The following AATF variants were observed in gnomAD, a reference collection of about 807,000 sequenced individuals.
The protein encoded by AATF is protein AATF.
In AATF, 48 loss-of-function variants were observed where a neutral mutation model predicts 63.7. That is an observed-to-expected ratio of 0.75 (90% CI 0.60 to 0.96). The LOEUF (loss-of-function observed/expected upper bound fraction) is 0.96. Among genes scored for constraint, AATF ranks in the 40% least tolerant of loss-of-function variants. The pLI, the probability that AATF is intolerant of heterozygous loss-of-function variation, is 0.00. For missense variants in AATF, 639 were observed against 685.7 expected (o/e 0.93, Z 0.76); for synonymous variants, 258 against 247.7 (o/e 1.04, Z -0.39).
intron 4 of AATF, among the ~76,000 whole-genome samples, chr17:36,958,698 A>G (rs58463520): frequency 0.016 from 2,439 of 152,338 alleles, 65 homozygotes; most frequent in African/African-American, 0.055. Flanking sequence ...TTTCATCTGT[A>G]GTTGTACCAA....
At chr17:37,037,039 C>G (rs182117063) in intron 11 of AATF, among the ~76,000 whole-genome samples, 1 of 146,262 alleles carries the variant, frequency 6.8e-6, no homozygotes, top group African/African-American at 2.5e-5. Context: ...GACAGAGTCT[C>G]GTTCTCTCAC....
chr17:37,056,309 T>C (rs929275190), intron 11 of AATF: 1 of 386,048 alleles, frequency 2.6e-6, no homozygotes, highest in African/African-American at 2.0e-5. Flanking sequence ...TATTAAAATA[T>C]TCAATCTTGT....
intron 8 of AATF, among the ~76,000 whole-genome samples, chr17:37,003,514 C>T (rs1227499548): frequency 8.0e-6 from 1 of 124,416 alleles, no homozygotes; most frequent in Non-Finnish European, 1.6e-5. Context: ...GGTCTCATGT[C>T]ACCAGGGCTG....
At chr17:37,014,716 A>G (rs2071416342) in intron 8 of AATF, among the ~76,000 whole-genome samples, 1 of 152,082 alleles carries the variant, frequency 6.6e-6, no homozygotes, top group African/African-American at 2.4e-5. Flanking sequence ...AATTTTCAGT[A>G]TTCCTTCAAA....
chr17:36,955,347 C>T (rs370881720), intron 4 of AATF, among the ~76,000 whole-genome samples: 28 of 152,232 alleles, frequency 1.8e-4, no homozygotes, highest in African/African-American at 5.8e-4. Context: ...TTTTGTGTCC[C>T]GCCACACTTA....
At chr17:37,043,710 C>T (rs1042443066) in intron 11 of AATF, among the ~76,000 whole-genome samples, 9 of 152,216 alleles carry the variant, frequency 5.9e-5, no homozygotes, top group South Asian at 2.1e-4. Context: ...CAGTTATTGT[C>T]GGCCTCCTCT....
At chr17:37,008,575 G>A (rs1435724672) in intron 8 of AATF, among the ~76,000 whole-genome samples, 1 of 152,162 alleles carries the variant, frequency 6.6e-6, no homozygotes, top group African/African-American at 2.4e-5. Flanking sequence ...AGAAAATCCT[G>A]TAACTAGGCT....
At chr17:37,052,036 C>T (rs1181776350) in intron 11 of AATF, among the ~76,000 whole-genome samples, 1 of 152,088 alleles carries the variant, frequency 6.6e-6, no homozygotes, top group African/African-American at 2.4e-5. Flanking sequence ...TTAATTACTC[C>T]GCAGGCTGCT....
Position 36,952,950 on chromosome 17 carries a change from A to G in AATF, c.348A>G (p.Glu116=). ...DEDSEGLGLE[E]YDEDDLGAAE... is the part of the protein sequence containing the mutation. ...ATTCAGAGGGACTGGGTCTGGAGGAATATGATGAGGACGACCTGGGTGCTG... is the reference window on the plus strand; with the variant it reads ...ATTCAGAGGGACTGGGTCTGGAGGAGTATGATGAGGACGACCTGGGTGCTG... Residue 116 remains glutamate, a synonymous_variant, in exon 3 of 12, where the codon GAA becomes GAG. Transcript: ENST00000619387. 1 of 1,614,150 alleles carries G rather than the reference A, an allele frequency of 6.2e-7. No individual in the cohort carries two copies. The highest frequency in any genetic ancestry group is 1.1e-5 in the South Asian group (1 of 91,076).
intron 4 of AATF, among the ~76,000 whole-genome samples, chr17:36,970,109 A>G (rs1465129003): frequency 3.9e-5 from 6 of 152,202 alleles, no homozygotes; most frequent in Non-Finnish European, 7.3e-5. Context: ...TTATATGGAC[A>G]TAGACTTTCA....
intron 11 of AATF, among the ~76,000 whole-genome samples, chr17:37,052,097 T>G (rs1320860470): frequency 2.0e-5 from 3 of 152,178 alleles, no homozygotes; most frequent in African/African-American, 7.2e-5. Context: ...ACACTCCCAC[T>G]GACCATGAGT....
At chr17:36,990,742 A>G (rs1239831181) in intron 7 of AATF, 32 bp from the exon 8 acceptor site, 1 of 1,329,536 alleles carries the variant, frequency 7.5e-7, no homozygotes, top group Non-Finnish European at 1.1e-6. Flanking sequence ...CCTTGTTGGG[A>G]TTCACTCTTT....
At chr17:36,968,202 ACTTT>A (rs1316841618) in intron 4 of AATF, among the ~76,000 whole-genome samples, 5 of 109,114 alleles carry the variant, frequency 4.6e-5, no homozygotes, top group Non-Finnish European at 6.0e-5. Flanking sequence ...TATTTTCAGT[ACTTT>A]CTATTGAGTT....
chr17:36,949,322 C>G (rs1443443043), intron 1 of AATF, 106 bp downstream of exon 1: 1 of 1,104,626 alleles, frequency 9.1e-7, no homozygotes, highest in East Asian at 2.9e-5. Flanking sequence ...GCCTGCGCTC[C>G]TTCGCTTGGC....
intron 1 of AATF, 140 bp from the exon 2 acceptor site, chr17:36,950,074 A>C: frequency 1.1e-6 from 1 of 896,810 alleles, no homozygotes; most frequent in Non-Finnish European, 1.7e-6. Flanking sequence ...ACTTTGGGAG[A>C]GAGTGAATTT....
chr17:36,987,941 T>A (rs1050763384), intron 5 of AATF, among the ~76,000 whole-genome samples: 14 of 152,274 alleles, frequency 9.2e-5, no homozygotes, highest in African/African-American at 3.1e-4. Flanking sequence ...AATAATTCTT[T>A]TAAAACCTCA....
chr17:36,969,629 A>G (rs1370008848), intron 4 of AATF, among the ~76,000 whole-genome samples: 1 of 152,180 alleles, frequency 6.6e-6, no homozygotes, highest in Admixed American at 6.6e-5. Context: ...GTCAGTTATT[A>G]TTTGTCCATT....
intron 8 of AATF, among the ~76,000 whole-genome samples, chr17:36,996,573 T>C (rs2071256700): frequency 6.6e-6 from 1 of 152,128 alleles, no homozygotes; most frequent in African/African-American, 2.4e-5. Context: ...AACTGCAAGA[T>C]TATTTTGTAT....
At chr17:36,958,189 GTC>G (rs2070917824) in intron 4 of AATF, among the ~76,000 whole-genome samples, 1 of 151,150 alleles carries the variant, frequency 6.6e-6, no homozygotes, top group South Asian at 2.1e-4. Context: ...TTGAGATGGA[GTC>G]TCTCTCTGTC....
Sources: gnomAD v4.1 joint callset for allele counts (sites outside exome capture counted in the v4.1 genomes callset) on GRCh38, gnomAD v4.1.1 for gene constraint, MANE v1.5 for transcripts, NCBI Gene and HGNC (gene_info 2026-07-23, HGNC 2026-07-21) for gene names.